SRBD1: variants seen among roughly 807,000 people sequenced by gnomAD.
SRBD1 encodes the protein S1 RNA binding domain 1.
SRBD1 carries 88 observed loss-of-function variants against 115.3 expected under a neutral mutation model. The ratio of observed to expected loss-of-function variants is 0.76; its 90% CI spans 0.64 to 0.91. The LOEUF is 0.91. SRBD1 is among the 40% of genes least tolerant of loss of function. The pLI, the probability that SRBD1 is intolerant of heterozygous loss-of-function variation, is 0.00. For missense variants in SRBD1, 1,385 were observed against 1,177.4 expected (o/e 1.18, Z -2.58); for synonymous variants, 509 against 407.7 (o/e 1.25, Z -2.99).
At chr2:45,504,635 G>T (rs916860048) in intron 14 of SRBD1, among the ~76,000 whole-genome samples, 1 of 152,044 alleles carries the variant, frequency 6.6e-6, no homozygotes, top group Non-Finnish European at 1.5e-5. Context: ...CCTTAAACAG[G>T]TAGCTATCAA....
At chr2:45,546,274 G>A in intron 14 of SRBD1, 1 of 985,384 alleles carries the variant, frequency 1.0e-6, no homozygotes, top group Non-Finnish European at 1.2e-6. Context: ...AGGGATAAAT[G>A]AGGAAAGAAT....
At chr2:45,514,064 C>G (rs1404579729) in intron 14 of SRBD1, among the ~76,000 whole-genome samples, 1 of 152,060 alleles carries the variant, frequency 6.6e-6, no homozygotes, top group East Asian at 1.9e-4. Flanking sequence ...ACACTTACAA[C>G]CACGGGGTTA....
intron 19 of SRBD1, among the ~76,000 whole-genome samples, chr2:45,399,047 A>C (rs1667223774): frequency 6.6e-6 from 1 of 152,108 alleles, no homozygotes; most frequent in Non-Finnish European, 1.5e-5. Flanking sequence ...TTGAAAAATA[A>C]CAAACCATTA....
intron 1 of SRBD1, among the ~76,000 whole-genome samples, chr2:45,606,664 G>T (rs1047498946): frequency 6.6e-6 from 1 of 152,076 alleles, no homozygotes; most frequent in Non-Finnish European, 1.5e-5. Flanking sequence ...AGGCCAAGCT[G>T]TAAAAAAAAG....
intron 6 of SRBD1, among the ~76,000 whole-genome samples, chr2:45,580,377 G>A (rs532756867): frequency 4.6e-5 from 7 of 151,718 alleles, no homozygotes; most frequent in East Asian, 1.9e-4. Flanking sequence ...ATGGACTCTC[G>A]CTCTTTCGCC....
chr2:45,423,017 C>T (rs1052633631), intron 16 of SRBD1, among the ~76,000 whole-genome samples: 5 of 152,160 alleles, frequency 3.3e-5, no homozygotes, highest in African/African-American at 9.7e-5. Flanking sequence ...TAATCTCTGA[C>T]TTGACTTGAG....
chr2:45,418,326 G>A (rs867812140), intron 18 of SRBD1, 39 bp downstream of exon 18: 7 of 1,596,674 alleles, frequency 4.4e-6, no homozygotes, highest in East Asian at 2.2e-5. Flanking sequence ...AACAAGAGAG[G>A]AGGTTGACAA....
At chr2:45,400,465 C>A (rs1349432398) in intron 19 of SRBD1, among the ~76,000 whole-genome samples, 4 of 152,114 alleles carry the variant, frequency 2.6e-5, no homozygotes. Flanking sequence ...TAATAGGTTG[C>A]TCCAGAAACA....
chr2:45,532,148 T>C (rs1485469786), intron 14 of SRBD1, among the ~76,000 whole-genome samples: 3 of 150,032 alleles, frequency 2.0e-5, no homozygotes, highest in Non-Finnish European at 4.5e-5. Context: ...ACTTTTGCCA[T>C]GCCGCTGCCA....
At chr2:45,606,937 T>C (rs7591446) in intron 1 of SRBD1, among the ~76,000 whole-genome samples, 102,035 of 151,990 alleles carry the variant, frequency 0.67, 35,908 homozygotes, top group Non-Finnish European at 0.81. Context: ...TAATCTCTCA[T>C]GGAAATACTA....
chr2:45,546,990 A>C (rs1672141369), intron 13 of SRBD1, 151 bp from the exon 14 acceptor site: 2 of 716,280 alleles, frequency 2.8e-6, no homozygotes, highest in East Asian at 5.4e-5. Flanking sequence ...TAAGGAAAAC[A>C]CAGACTTATA....
intron 16 of SRBD1, among the ~76,000 whole-genome samples, chr2:45,465,313 T>C (rs139867270): frequency 1.2e-3 from 179 of 152,220 alleles, no homozygotes; most frequent in African/African-American, 4.1e-3. Flanking sequence ...GATGCAACTA[T>C]CCTTTTTTTC....
chr2:45,463,525 T>TA (rs1669389544), intron 16 of SRBD1, among the ~76,000 whole-genome samples: 2 of 152,188 alleles, frequency 1.3e-5, no homozygotes, highest in Admixed American at 1.3e-4. Context: ...TGGCCCCCCA[T>TA]AGTGCTTCCA....
At chr2:45,407,043 T>C (rs1257621202) in intron 19 of SRBD1, among the ~76,000 whole-genome samples, 1 of 152,180 alleles carries the variant, frequency 6.6e-6, no homozygotes, top group Non-Finnish European at 1.5e-5. Context: ...AGTTAAAAGC[T>C]CAAGCTTTAA....
chr2:45,586,896 C>A, intron 4 of SRBD1, among the ~76,000 whole-genome samples: 1 of 65,148 alleles, frequency 1.5e-5, no homozygotes, highest in Non-Finnish European at 3.2e-5. Flanking sequence ...TATTTAAAAT[C>A]ATTGGTATTT....
In SRBD1 at chr2:45,581,597, C is replaced by T. The variant is rs111796210; in HGVS notation, c.933+96G>A. 3.2e-4 allele frequency: 262 copies of T among 809,028 alleles called. 2 individuals carry two copies. The African/African-American group carries it at 3.8e-3, about 12-fold the overall frequency. The allele number at this position is 809,028 out of a possible 1,614,324, so 50.1% of individuals were successfully genotyped here. On this transcript the variant is annotated intron_variant, in intron 6 of 20. Coordinates refer to ENST00000263736, the MANE Select transcript of SRBD1 (RefSeq NM_018079.5). ...TGCATTAAATAATGGTGGCTAATGA[C>T]GTTAGCTTTTTATTTCTTGGTGTTC...
chr2:45,405,651 T>A (rs534277822), intron 19 of SRBD1, among the ~76,000 whole-genome samples: 1 of 152,216 alleles, frequency 6.6e-6, no homozygotes, highest in Non-Finnish European at 1.5e-5. Flanking sequence ...GCTTGAAGAA[T>A]ATATACATCT....
intron 14 of SRBD1, among the ~76,000 whole-genome samples, chr2:45,526,276 AG>A: frequency 6.6e-6 from 1 of 152,122 alleles, no homozygotes; most frequent in Non-Finnish European, 1.5e-5. Flanking sequence ...GGCCATAAAA[AG>A]GAATGAAGTT....
At chr2:45,407,531 G>T (rs556783237) in intron 19 of SRBD1, among the ~76,000 whole-genome samples, 1 of 152,234 alleles carries the variant, frequency 6.6e-6, no homozygotes, top group Non-Finnish European at 1.5e-5. Flanking sequence ...CTCCTTGAGA[G>T]CATAATCACC....
Sources: gnomAD v4.1 joint callset for allele counts (sites outside exome capture counted in the v4.1 genomes callset) on GRCh38, gnomAD v4.1.1 for gene constraint, MANE v1.5 for transcripts, NCBI Gene and HGNC (gene_info 2026-07-23, HGNC 2026-07-21) for gene names.